SH3RF1: variants seen among roughly 807,000 people sequenced by gnomAD.
SH3RF1 encodes the protein E3 ubiquitin-protein ligase SH3RF1.
In SH3RF1, 32 loss-of-function variants were observed where a neutral mutation model predicts 74.0. The ratio of observed to expected loss-of-function variants is 0.43; its 90% CI spans 0.33 to 0.58. The LOEUF is 0.58. Among genes scored for constraint, SH3RF1 ranks in the 20% least tolerant of loss-of-function variants. The pLI is 0.05. For missense variants in SH3RF1, 954 were observed against 1,130.9 expected (o/e 0.84, Z 2.24); for synonymous variants, 396 against 439.6 (o/e 0.90, Z 1.24).
intron 2 of SH3RF1, among the ~76,000 whole-genome samples, chr4:169,231,789 T>A (rs1209831425): frequency 1.3e-5 from 2 of 152,204 alleles, no homozygotes; most frequent in Non-Finnish European, 2.9e-5. Flanking sequence ...TTTCAATTAC[T>A]GACTCATTCA....
chr4:169,114,365 T>C (rs1733294937), intron 10 of SH3RF1, among the ~76,000 whole-genome samples: 1 of 152,206 alleles, frequency 6.6e-6, no homozygotes, highest in South Asian at 2.1e-4. Context: ...AAGAACATCC[T>C]TGAGTTTACA....
At chr4:169,105,595 AG>A (rs1476857752) in intron 11 of SH3RF1, among the ~76,000 whole-genome samples, 3 of 152,252 alleles carry the variant, frequency 2.0e-5, no homozygotes, top group Non-Finnish European at 4.4e-5. Flanking sequence ...TGGCTCAGGA[AG>A]AAGAAGAGAG....
chr4:169,110,369 TAAA>T (rs891869522), intron 10 of SH3RF1, among the ~76,000 whole-genome samples: 1 of 151,540 alleles, frequency 6.6e-6, no homozygotes, highest in African/African-American at 2.4e-5. Context: ...AATAATAAAA[TAAA>T]AGAAGAAAGA....
rs535324350 is a variant in SH3RF1 at position 169,145,005 on chromosome 4, C to T, written c.766-8385G>A. Among the ~76,000 whole-genome samples the T allele has an allele frequency of 8.5e-5, 13 of 152,100 alleles. No individual in the cohort carries two copies. The East Asian group carries it at 1.6e-3, about 18-fold the overall frequency. ...TTTCCCAGGCCAACCATCCAACCAA[C>T]GACCCAGAAATGAAAAAGGCAAAGA... On this transcript the variant is annotated intron_variant, in intron 4 of 11. Coordinates refer to ENST00000284637, the MANE Select transcript of SH3RF1 (RefSeq NM_020870.4).
chr4:169,107,279 AGTTC>A (rs1733162367), intron 10 of SH3RF1, 74 bp from the exon 11 acceptor site: 1 of 1,305,906 alleles, frequency 7.7e-7, no homozygotes, highest in Non-Finnish European at 1.0e-6. Context: ...AGGGCCCTAT[AGTTC>A]ATTACTACTT....
At chr4:169,177,215 C>A (rs891509551) in intron 2 of SH3RF1, among the ~76,000 whole-genome samples, 1 of 152,198 alleles carries the variant, frequency 6.6e-6, no homozygotes, top group Admixed American at 6.5e-5. Flanking sequence ...GTCAACCCTG[C>A]ACACACAGCT....
At chr4:169,177,849 G>A (rs921982852) in intron 2 of SH3RF1, among the ~76,000 whole-genome samples, 21 of 151,978 alleles carry the variant, frequency 1.4e-4, no homozygotes, top group South Asian at 2.1e-4. Flanking sequence ...ATATGTGTAT[G>A]TATATAATAT....
At chr4:169,166,372 TA>T in intron 2 of SH3RF1, 1 of 159,970 alleles carries the variant, frequency 6.3e-6, no homozygotes, top group Non-Finnish European at 1.4e-5. Context: ...ACTTCAAGGC[TA>T]AAAGCCCCAA....
chr4:169,162,204 C>G (rs1451582904), intron 2 of SH3RF1, among the ~76,000 whole-genome samples: 1 of 152,072 alleles, frequency 6.6e-6, no homozygotes, highest in Non-Finnish European at 1.5e-5. Context: ...CAACAAAAAA[C>G]ATGTTGGCTT....
intron 2 of SH3RF1, among the ~76,000 whole-genome samples, chr4:169,164,345 T>C (rs531884099): frequency 1.3e-5 from 2 of 152,244 alleles, no homozygotes; most frequent in South Asian, 4.2e-4. Flanking sequence ...AAAGAACACA[T>C]CTAAAGGAAA....
chr4:169,156,358 C>G, intron 3 of SH3RF1, 46 bp downstream of exon 3: 1 of 1,505,774 alleles, frequency 6.6e-7, no homozygotes, highest in Non-Finnish European at 8.9e-7. Flanking sequence ...TATCTGGGTA[C>G]AGAGGTAGAG....
intron 6 of SH3RF1, among the ~76,000 whole-genome samples, chr4:169,123,621 G>A (rs1257118535): frequency 6.6e-6 from 1 of 152,204 alleles, no homozygotes; most frequent in Non-Finnish European, 1.5e-5. Flanking sequence ...CGCAGGCGCA[G>A]TGGCTCACGC....
intron 2 of SH3RF1, among the ~76,000 whole-genome samples, chr4:169,220,695 C>T (rs925863665): frequency 6.6e-6 from 1 of 152,146 alleles, no homozygotes; most frequent in African/African-American, 2.4e-5. Flanking sequence ...ACAACTGACC[C>T]GCAAACTCTA....
intron 2 of SH3RF1, among the ~76,000 whole-genome samples, chr4:169,260,662 A>G (rs1337000452): frequency 6.6e-6 from 1 of 152,230 alleles, no homozygotes; most frequent in Non-Finnish European, 1.5e-5. Context: ...CAGTAACAGA[A>G]TAATTTCTCT....
intron 2 of SH3RF1, among the ~76,000 whole-genome samples, chr4:169,220,889 T>G (rs757756239): frequency 6.6e-6 from 1 of 152,256 alleles, no homozygotes; most frequent in African/African-American, 2.4e-5. Context: ...GAAGAGGTCA[T>G]GATTTTTGTT....
chr4:169,234,455 A>G (rs1180540571), intron 2 of SH3RF1, among the ~76,000 whole-genome samples: 1 of 152,198 alleles, frequency 6.6e-6, no homozygotes, highest in African/African-American at 2.4e-5. Context: ...AACTCCTCAA[A>G]TATACTGCCA....
At chr4:169,153,989 T>C (rs987359284) in intron 4 of SH3RF1, among the ~76,000 whole-genome samples, 3 of 152,294 alleles carry the variant, frequency 2.0e-5, no homozygotes, top group South Asian at 2.1e-4. Flanking sequence ...ACCCTTTTCA[T>C]GCATCACAAA....
At chr4:169,247,690 G>A (rs1731026127) in intron 2 of SH3RF1, among the ~76,000 whole-genome samples, 1 of 152,106 alleles carries the variant, frequency 6.6e-6, no homozygotes, top group Non-Finnish European at 1.5e-5. Flanking sequence ...AGTCTGAGGA[G>A]GCATCATGAC....
rs931609392 is a variant in SH3RF1, at chr4:169,215,988, G to C, written c.393+52832C>G. Reference sequence around the variant, plus strand: ...CTGGTTAATTTTTGTATTTTTTGTAGAGACAAGGTTTTGTCCTGTTGCCCA... The same window carrying C: ...CTGGTTAATTTTTGTATTTTTTGTACAGACAAGGTTTTGTCCTGTTGCCCA... On this transcript the variant is annotated intron_variant, in intron 2 of 11. Coordinates refer to ENST00000284637, the MANE Select transcript of SH3RF1 (RefSeq NM_020870.4). Among the ~76,000 whole-genome samples, 3 of 151,970 alleles carry C rather than the reference G, an allele frequency of 2.0e-5. No individual in the cohort carries two copies. In the East Asian group the frequency reaches 5.8e-4, roughly 29 times the overall value.
Sources: gnomAD v4.1 joint callset for allele counts (sites outside exome capture counted in the v4.1 genomes callset) on GRCh38, gnomAD v4.1.1 for gene constraint, MANE v1.5 for transcripts, NCBI Gene and HGNC (gene_info 2026-07-23, HGNC 2026-07-21) for gene names.